SUCLA2: variants seen among roughly 807,000 people sequenced by gnomAD.
SUCLA2 encodes succinate-CoA ligase ADP-forming subunit beta, also known as succinate--CoA ligase [ADP-forming] subunit beta, mitochondrial.
A neutral mutation model predicts 54.8 loss-of-function variants in SUCLA2; 30 were observed. The observed-to-expected ratio is 0.55, with a 90% confidence interval of 0.41 to 0.74. The LOEUF is 0.74. Ranked by LOEUF, SUCLA2 falls within the 30% of genes least tolerant of loss-of-function variation. The pLI, the probability that SUCLA2 is intolerant of heterozygous loss-of-function variation, is 0.00. For synonymous variants in SUCLA2, 172 were observed against 188.9 expected (o/e 0.91, Z 0.74); for missense variants, 476 against 562.9 (o/e 0.85, Z 1.56).
intron 2 of SUCLA2, among the ~76,000 whole-genome samples, chr13:47,996,093 G>C (rs991467600): frequency 6.6e-6 from 1 of 152,128 alleles, no homozygotes; most frequent in East Asian, 1.9e-4. Context: ...GGAGGCGGAG[G>C]CGGGCAGATC....
At chr13:47,989,034 A>G (rs1033886040) in intron 2 of SUCLA2, 53 bp from the exon 3 acceptor site, 11 of 1,534,546 alleles carry the variant, frequency 7.2e-6, no homozygotes, top group Non-Finnish European at 9.9e-6. Flanking sequence ...CATGCCAGAC[A>G]TAGTATTTTG....
chr13:47,979,505 C>A (rs1380052062), intron 4 of SUCLA2, among the ~76,000 whole-genome samples: 1 of 151,974 alleles, frequency 6.6e-6, no homozygotes, highest in Admixed American at 6.6e-5. Flanking sequence ...GGGGCTAGGG[C>A]AGAGATAGCA....
chr13:47,964,327 AG>A (rs1240144025), intron 6 of SUCLA2, among the ~76,000 whole-genome samples: 2 of 152,198 alleles, frequency 1.3e-5, no homozygotes, highest in Admixed American at 1.3e-4. Flanking sequence ...AAGAATTGGT[AG>A]ACAATGTGAA....
rs552415677 is a variant in SUCLA2, at chr13:47,947,630, C to T, written c.1317+1310G>A. Among the ~76,000 whole-genome samples, 17 of 152,284 alleles carry T rather than the reference C, an allele frequency of 1.1e-4. No homozygotes were observed. In the South Asian group the frequency reaches 1.7e-3, roughly 15 times the overall value. ...ACCACAAAAAGATTAACATTGTATA[C>T]GTTTTGATGAAATTAAACACCTACT... On this transcript the variant is annotated intron_variant, in intron 10 of 10. Transcript: ENST00000646932.
chr13:47,996,323 C>CAAAAAAA (rs750012963), intron 2 of SUCLA2, among the ~76,000 whole-genome samples: 1 of 93,552 alleles, frequency 1.1e-5, no homozygotes, highest in Non-Finnish European at 2.1e-5. Context: ...AACTCCGTCT[C>CAAAAAAA]AAAAAAAAAA....
chr13:47,960,030 T>C (rs930329779), intron 6 of SUCLA2, among the ~76,000 whole-genome samples: 14 of 152,254 alleles, frequency 9.2e-5, no homozygotes, highest in South Asian at 2.1e-4. Flanking sequence ...CTTAAGGTTA[T>C]TGAATTGTGT....
intron 4 of SUCLA2, 54 bp downstream of exon 4, chr13:47,988,487 T>A: frequency 1.3e-6 from 2 of 1,588,314 alleles, no homozygotes; most frequent in Non-Finnish European, 1.7e-6. Context: ...AATGGACTTT[T>A]GAAATTGAAT....
In SUCLA2 at chr13:47,965,470, C is replaced by T. The variant is rs117083844; in HGVS notation, c.802+3125G>A. ...AGAGAAACACAAACTGAAGGGCATT[C>T]TATGAAATAAATGACCCCTTCTTTA... On this transcript the variant is annotated intron_variant, in intron 6 of 10. Coordinates refer to ENST00000646932, the MANE Select transcript of SUCLA2 (RefSeq NM_003850.3). The T allele has an allele frequency of 8.2e-3, 3,065 of 374,452 alleles. 15 individuals carry two copies. Among genetic ancestry groups the T allele is most frequent in the Non-Finnish European group, 1.0e-2 (2,174 of 217,846 alleles). The allele number at this position is 374,452 out of a possible 1,614,324, so 23.2% of individuals were successfully genotyped here.
chr13:47,966,832 T>C (rs1245678531), intron 6 of SUCLA2, among the ~76,000 whole-genome samples: 2 of 151,756 alleles, frequency 1.3e-5, no homozygotes, highest in Non-Finnish European at 2.9e-5. Context: ...AGGCAACATA[T>C]TGAGGGCCCG....
intron 4 of SUCLA2, among the ~76,000 whole-genome samples, chr13:47,977,172 A>G (rs1294039261): frequency 6.6e-6 from 1 of 152,190 alleles, no homozygotes; most frequent in Admixed American, 6.5e-5. Flanking sequence ...AAAATTATGT[A>G]TCAACAAATT....
At chr13:47,959,349 G>A (rs1169568208) in intron 6 of SUCLA2, among the ~76,000 whole-genome samples, 1 of 19,244 alleles carries the variant, frequency 5.2e-5, no homozygotes, top group Non-Finnish European at 9.7e-5. Flanking sequence ...AATTTTGTAT[G>A]TGAAAAGATC....
At chr13:47,972,521 T>C (rs2137720720) in intron 5 of SUCLA2, among the ~76,000 whole-genome samples, 1 of 151,434 alleles carries the variant, frequency 6.6e-6, no homozygotes, top group South Asian at 2.1e-4. Flanking sequence ...ACAAAAAAAT[T>C]AGCCAGGTGT....
intron 1 of SUCLA2, among the ~76,000 whole-genome samples, chr13:47,999,719 A>T (rs1950215725): frequency 6.6e-6 from 1 of 152,078 alleles, no homozygotes. Context: ...GGAAAAAAAA[A>T]AAAAAATGTG....
At chr13:48,000,324 C>A (rs533357384) in intron 1 of SUCLA2, among the ~76,000 whole-genome samples, 1 of 152,324 alleles carries the variant, frequency 6.6e-6, no homozygotes, top group South Asian at 2.1e-4. Context: ...GTGGAGCCAA[C>A]TCAAGTACAC....
intron 1 of SUCLA2, among the ~76,000 whole-genome samples, chr13:47,998,869 C>T (rs1035159817): frequency 2.0e-5 from 3 of 152,202 alleles, no homozygotes; most frequent in Non-Finnish European, 2.9e-5. Flanking sequence ...TCCACTTAAG[C>T]TGTACATCTT....
At chr13:47,944,155 T>C (rs964686800) in intron 10 of SUCLA2, among the ~76,000 whole-genome samples, 6 of 152,150 alleles carry the variant, frequency 3.9e-5, no homozygotes, top group Non-Finnish European at 7.4e-5. Flanking sequence ...CTGATGCTTA[T>C]GACATACAAC....
intron 6 of SUCLA2, among the ~76,000 whole-genome samples, chr13:47,964,747 C>G (rs1949903790): frequency 2.0e-5 from 3 of 152,092 alleles, no homozygotes; most frequent in East Asian, 3.9e-4. Context: ...GTCCCAGCTG[C>G]TTGGGAGGCT....
chr13:47,993,916 C>A (rs1950170289), intron 2 of SUCLA2, among the ~76,000 whole-genome samples: 1 of 151,924 alleles, frequency 6.6e-6, no homozygotes, highest in Non-Finnish European at 1.5e-5. Flanking sequence ...TGCCTGTAAT[C>A]CCAGCTACTC....
At chr13:47,945,451 A>AAAAAAAG (rs1949722217) in intron 10 of SUCLA2, among the ~76,000 whole-genome samples, 1 of 136,230 alleles carries the variant, frequency 7.3e-6, no homozygotes. Context: ...AAAATCAAGA[A>AAAAAAAG]TCTACTATTG....
Sources: allele counts gnomAD v4.1 joint callset (sites outside exome capture counted in the v4.1 genomes callset), GRCh38; gene constraint gnomAD v4.1.1; transcripts MANE v1.5; gene names NCBI Gene and HGNC (gene_info 2026-07-23, HGNC 2026-07-21).